Variants in COL4A5 observed in about 807,000 individuals in gnomAD.
COL4A5 encodes collagen type IV alpha 5 chain, also known as collagen alpha-5(IV) chain.
COL4A5 carries 26 observed loss-of-function variants against 130.2 expected under a neutral mutation model. The observed-to-expected ratio is 0.20, with a 90% CI of 0.15 to 0.28. COL4A5 has a LOEUF of 0.28. Among genes scored for constraint, COL4A5 ranks in the 10% least tolerant of loss-of-function variants. The pLI, the probability that COL4A5 is intolerant of heterozygous loss-of-function variation, is 1.00. For synonymous variants in COL4A5, 496 were observed against 439.6 expected, an observed-to-expected ratio of 1.13 and a Z score of -1.60; for missense variants, 1,131 against 1,344.3, an observed-to-expected ratio of 0.84 and a Z score of 2.48.
Position 108,601,475 on chromosome X carries a change from A to G in COL4A5, c.2031A>G (p.Val677=). 1 of 1,163,962 alleles carries G rather than the reference A, an allele frequency of 8.6e-7. No homozygotes were observed. The part of the protein sequence containing the change: ...LPGNPGRDGD[V]GLPGDPGLPG... The stretch of plus-strand genomic sequence containing the variant: ...GTAACCCAGGCAGAGATGGTGATGT[A>G]GGTCTTCCAGGTATGTGAGGAATTT... Residue 677 remains valine (V), a synonymous_variant, in exon 26 of 53, where the codon GTA becomes GTG. Coordinates refer to ENST00000328300, the MANE Select transcript of COL4A5 (RefSeq NM_033380.3).
At chrX:108,606,034 C>A in intron 28 of COL4A5, among the ~76,000 whole-genome samples, 1 of 111,758 alleles carries the variant, frequency 8.9e-6, no homozygotes, top group African/African-American at 3.2e-5. Context: ...TATATTTTAT[C>A]TCTGCGTCAT....
intron 1 of COL4A5, among the ~76,000 whole-genome samples, chrX:108,506,623 G>A (rs1012231092): frequency 3.6e-5 from 4 of 111,475 alleles, no homozygotes; most frequent in African/African-American, 1.3e-4. Flanking sequence ...TAATGTCAAT[G>A]ATGATCTGAC....
At chrX:108,493,273 C>T (rs1026168993) in intron 1 of COL4A5, among the ~76,000 whole-genome samples, 5 of 111,437 alleles carry the variant, frequency 4.5e-5, no homozygotes, top group African/African-American at 1.6e-4. Flanking sequence ...AAATAGAGAA[C>T]ACCATGGGGA....
At chrX:108,627,484 TTTTA>T in intron 36 of COL4A5, 1 of 743,532 alleles carries the variant, frequency 1.3e-6, no homozygotes, top group South Asian at 6.8e-5. Context: ...ACTTACCCCT[TTTTA>T]TTTCTTTTTT....
At chrX:108,546,526 C>T (rs1161983132) in intron 2 of COL4A5, among the ~76,000 whole-genome samples, 1 of 111,858 alleles carries the variant, frequency 8.9e-6, no homozygotes, top group Non-Finnish European at 1.9e-5. Context: ...ACCTTTCTCT[C>T]TGGCTGCCCT....
At chrX:108,493,404 G>A (rs2065008579) in intron 1 of COL4A5, among the ~76,000 whole-genome samples, 2 of 111,754 alleles carry the variant, frequency 1.8e-5, no homozygotes, top group African/African-American at 6.5e-5. Flanking sequence ...TTCATAAGTT[G>A]CCAACTCAGG....
intron 41 of COL4A5, among the ~76,000 whole-genome samples, chrX:108,669,173 T>A (rs754459335): frequency 8.7e-4 from 98 of 112,052 alleles, no homozygotes; most frequent in Non-Finnish European, 1.5e-3. Context: ...CTGTGTCATT[T>A]CATTTTACTA....
At chrX:108,540,475 C>T (rs186245949) in intron 2 of COL4A5, among the ~76,000 whole-genome samples, 15 of 111,006 alleles carry the variant, frequency 1.4e-4, no homozygotes, top group South Asian at 7.7e-4. Flanking sequence ...TTTTGAGACA[C>T]GGTCTTGCTC....
At chrX:108,581,263 T>G (rs890663134) in intron 16 of COL4A5, among the ~76,000 whole-genome samples, 1 of 112,003 alleles carries the variant, frequency 8.9e-6, no homozygotes, top group African/African-American at 3.2e-5. Flanking sequence ...TTGATACATG[T>G]ATGTAATGTG....
chrX:108,618,973 T>C (rs192933055), intron 30 of COL4A5, among the ~76,000 whole-genome samples: 32 of 111,530 alleles, frequency 2.9e-4, no homozygotes, highest in African/African-American at 1.0e-3. Context: ...ATTATTTATA[T>C]TGAAAACCCA....
At chrX:108,577,372 CAA>C (rs746311921) in intron 10 of COL4A5, among the ~76,000 whole-genome samples, 4,410 of 29,670 alleles carry the variant, frequency 0.15, 296 homozygotes, top group African/African-American at 0.37. Context: ...AACTCCTTCT[CAA>C]AAAAAAAAAA....
At chrX:108,458,747 G>A (rs1240687593) in intron 1 of COL4A5, among the ~76,000 whole-genome samples, 1 of 111,752 alleles carries the variant, frequency 8.9e-6, no homozygotes, top group African/African-American at 3.3e-5. Context: ...TTGAGAGGCC[G>A]AGGCGGGTGG....
At chrX:108,526,236 G>A (rs183487353) in intron 1 of COL4A5, among the ~76,000 whole-genome samples, 1 of 112,163 alleles carries the variant, frequency 8.9e-6, no homozygotes, top group Non-Finnish European at 1.9e-5. Flanking sequence ...GAAGGAAGGA[G>A]CAGGTCATAA....
intron 1 of COL4A5, among the ~76,000 whole-genome samples, chrX:108,487,911 A>C (rs2064962478): frequency 8.9e-6 from 1 of 112,290 alleles, no homozygotes; most frequent in Non-Finnish European, 1.9e-5. Flanking sequence ...CCCTGCCCCA[A>C]GGTGTTTTTT....
rs946705154 is a variant in COL4A5, at chrX:108,608,553, A to G, written c.2395+1661A>G. 7.2e-5 allele frequency among the ~76,000 whole-genome samples: 8 copies of G among 111,241 alleles called. No individual in the cohort carries two copies. In the South Asian group the frequency reaches 2.3e-3, roughly 32 times the overall value. ...CATCCCTGTCTCCATCCATTCATCT[A>G]TTTTTGATGCATATCAAAATAAATT... On this transcript the variant is annotated intron_variant, in intron 29 of 52. Transcript: ENST00000328300.
rs947936275 is a variant in COL4A5 at position 108,688,577 on chromosome X, C to T, written c.4528+883C>T. Among the ~76,000 whole-genome samples, 3 of 111,033 alleles carry T rather than the reference C, an allele frequency of 2.7e-5. No individual in the cohort carries two copies. The South Asian group carries it at 1.1e-3, about 42-fold the overall frequency. On this transcript the variant is annotated intron_variant, in intron 49 of 52. Coordinates refer to ENST00000328300, the MANE Select transcript of COL4A5 (RefSeq NM_033380.3). ...CAGCCTCCGAAGTAGCTGGGAATTACAGGCGCCCGCCAGCATGCCTGGCTA... is the reference window on the plus strand; with the variant it reads ...CAGCCTCCGAAGTAGCTGGGAATTATAGGCGCCCGCCAGCATGCCTGGCTA...
chrX:108,651,252 TGTG>T (rs2067721439), intron 36 of COL4A5, among the ~76,000 whole-genome samples: 2 of 111,527 alleles, frequency 1.8e-5, no homozygotes, highest in African/African-American at 6.5e-5. Context: ...AAAATTAGAT[TGTG>T]ATGATGGTTG....
intron 1 of COL4A5, 129 bp downstream of exon 1, chrX:108,440,335 G>A (rs1219629473): frequency 2.0e-6 from 1 of 499,139 alleles, no homozygotes; most frequent in Non-Finnish European, 3.4e-6. Context: ...GCTTTCTCAT[G>A]TTTAGGAAGA....
intron 1 of COL4A5, among the ~76,000 whole-genome samples, chrX:108,470,606 G>T (rs1369367358): frequency 9.0e-6 from 1 of 111,493 alleles, no homozygotes; most frequent in East Asian, 2.8e-4. Flanking sequence ...TTTGTTTACT[G>T]TGTTGATAGT....
Sources: allele counts gnomAD v4.1 joint callset (sites outside exome capture counted in the v4.1 genomes callset), GRCh38; gene constraint gnomAD v4.1.1; transcripts MANE v1.5; gene names NCBI Gene and HGNC (gene_info 2026-07-23, HGNC 2026-07-21).